The following TOX variants were observed in gnomAD, a reference collection of about 807,000 sequenced individuals.
TOX encodes thymocyte selection-associated high mobility group box protein TOX.
Under a neutral mutation model 53.7 loss-of-function variants are expected in TOX, and 11 were observed. The ratio of observed to expected loss-of-function variants is 0.20; its 90% CI spans 0.13 to 0.34. TOX has a LOEUF of 0.34. Among genes scored for constraint, TOX ranks in the 10% least tolerant of loss-of-function variants. TOX has a pLI of 1.00. For synonymous variants in TOX, 225 were observed against 245.3 expected (o/e 0.92, Z 0.77); for missense variants, 570 against 664.6 (o/e 0.86, Z 1.56).
intron 3 of TOX, among the ~76,000 whole-genome samples, chr8:58,866,089 C>A (rs1811096750): frequency 6.6e-6 from 1 of 152,158 alleles, no homozygotes; most frequent in Admixed American, 6.5e-5. Context: ...CCCGCCTCAG[C>A]CTCCCAAAGT....
intron 3 of TOX, among the ~76,000 whole-genome samples, chr8:58,876,973 C>A (rs891171750): frequency 1.3e-5 from 2 of 152,114 alleles, no homozygotes; most frequent in African/African-American, 4.8e-5. Flanking sequence ...TAGGAAGAGG[C>A]ACGTTAATAA....
At chr8:58,950,776 G>C (rs548452514) in intron 2 of TOX, among the ~76,000 whole-genome samples, 1 of 152,228 alleles carries the variant, frequency 6.6e-6, no homozygotes, top group South Asian at 2.1e-4. Flanking sequence ...GGTGGGAAAA[G>C]AGTCCTGGAC....
chr8:58,815,324 G>C lies in TOX; in HGVS notation c.1392+14C>G, dbSNP rs200616724. The C allele has an allele frequency of 3.7e-5, 59 of 1,580,040 alleles. No individual in the cohort carries two copies. The African/African-American group carries it at 7.5e-4, about 20-fold the overall frequency. On this transcript the variant is annotated intron_variant, in intron 7 of 8. Transcript: ENST00000361421. ...TAGGGGTGCACACTCTAAGTCCAGA[G>C]CCATTGCACTTACTTGCTGCATGGT...
intron 3 of TOX, among the ~76,000 whole-genome samples, chr8:58,925,915 A>T (rs1225513120): frequency 6.6e-6 from 1 of 152,088 alleles, no homozygotes; most frequent in Non-Finnish European, 1.5e-5. Flanking sequence ...ACTATTCTGA[A>T]TATGTGCCCC....
chr8:58,969,547 T>C (rs1812964407), intron 1 of TOX, among the ~76,000 whole-genome samples: 1 of 152,234 alleles, frequency 6.6e-6, no homozygotes, highest in Admixed American at 6.5e-5. Flanking sequence ...TCCCTGCTGA[T>C]TTATCTAAAT....
At chr8:58,995,079 A>T (rs565815201) in intron 1 of TOX, among the ~76,000 whole-genome samples, 1 of 152,326 alleles carries the variant, frequency 6.6e-6, no homozygotes, top group South Asian at 2.1e-4. Context: ...TATATGTAAT[A>T]AGCAAAGCTT....
intron 3 of TOX, among the ~76,000 whole-genome samples, chr8:58,854,276 A>G (rs1810874772): frequency 6.6e-6 from 1 of 152,190 alleles, no homozygotes; most frequent in Admixed American, 6.6e-5. Flanking sequence ...TATTGAGCCC[A>G]TTTCTTCTCA....
chr8:58,978,485 A>C (rs1813145691), intron 1 of TOX, among the ~76,000 whole-genome samples: 1 of 152,244 alleles, frequency 6.6e-6, no homozygotes, highest in South Asian at 2.1e-4. Flanking sequence ...AGACAACATA[A>C]GGTATCTAAT....
chr8:58,851,185 T>TCTCTCTCA lies in TOX; in HGVS notation c.693+338_693+339insTGAGAGAG, dbSNP rs1275278112. Among the ~76,000 whole-genome samples, 10 of 140,838 alleles carry TCTCTCTCA rather than the reference T, an allele frequency of 7.1e-5. No individual in the cohort carries two copies. The highest frequency in any genetic ancestry group is 2.7e-4 in the African/African-American group (10 of 36,484). The allele number at this position is 140,838 out of a possible 152,430, so 92.4% of individuals were successfully genotyped here. A position where few individuals can be genotyped will look rare whatever the true frequency, so the allele number is the denominator to read the frequency against. On this transcript the variant is annotated intron_variant, in intron 4 of 8. Coordinates refer to ENST00000361421, the MANE Select transcript of TOX (RefSeq NM_014729.3). The surrounding 1 kb of genome is among the most constrained non-coding windows in gnomAD (Gnocchi z 4.4). ...CTCTCTCTCTCTCTCTCTCTCTCTC[T>TCTCTCTCA]CACACACACACACACACACACACAC...
intron 1 of TOX, among the ~76,000 whole-genome samples, chr8:59,015,325 G>T (rs1034997928): frequency 7.2e-5 from 11 of 152,224 alleles, no homozygotes; most frequent in African/African-American, 1.9e-4. Context: ...AAATTACAGA[G>T]ATTTCTCAAA....
At chr8:59,097,739 A>C (rs531399430) in intron 1 of TOX, among the ~76,000 whole-genome samples, 28 of 152,332 alleles carry the variant, frequency 1.8e-4, no homozygotes, top group Non-Finnish European at 3.7e-4. Flanking sequence ...TTCTTGAGGA[A>C]TTAAAGATAA....
intron 4 of TOX, among the ~76,000 whole-genome samples, chr8:58,841,692 C>T (rs1041757467): frequency 3.3e-5 from 5 of 152,136 alleles, no homozygotes; most frequent in Non-Finnish European, 7.3e-5. Flanking sequence ...GGTGAGGTGA[C>T]AGATAGGTTA....
chr8:59,069,060 C>A (rs986593645), intron 1 of TOX, among the ~76,000 whole-genome samples: 1 of 152,080 alleles, frequency 6.6e-6, no homozygotes, highest in Admixed American at 6.6e-5. Flanking sequence ...GGGGCTCCTG[C>A]GACATGGCCA....
At chr8:58,902,859 T>C (rs1170685754) in intron 3 of TOX, among the ~76,000 whole-genome samples, 1 of 152,212 alleles carries the variant, frequency 6.6e-6, no homozygotes, top group Non-Finnish European at 1.5e-5. Flanking sequence ...TGAACTCCTA[T>C]GAATTCTACT....
At chr8:59,111,968 A>G (rs1377301911) in intron 1 of TOX, among the ~76,000 whole-genome samples, 3 of 152,220 alleles carry the variant, frequency 2.0e-5, no homozygotes, top group Non-Finnish European at 4.4e-5. Context: ...ATGACCTTTG[A>G]TATTATAAAT....
rs1011078317 is a variant in TOX at position 58,815,595 on chromosome 8, G to A, written c.1135C>T (p.Pro379Ser). ...GCAGTTAGGTGAGGATTCATTCCCG[G>A]TTGTTGGTGATAGTGGGAACTTAGG... ...LYLSSHYHQQ[P>S]GMNPHLTAMH... is the part of the protein sequence containing the mutation. Residue 379 changes from proline (P) to serine (S), a missense_variant, in exon 7 of 9, where the codon CCG becomes TCG. Physicochemically the swap from Pro to Ser is moderately conservative, Grantham distance 74. Coordinates refer to ENST00000361421, the MANE Select transcript of TOX (RefSeq NM_014729.3). 2.5e-6 allele frequency: 4 copies of A among 1,614,062 alleles called. No homozygotes were observed. The highest frequency in any genetic ancestry group is 3.4e-6 in the Non-Finnish European group (4 of 1,180,038).
intron 1 of TOX, among the ~76,000 whole-genome samples, chr8:59,055,636 T>C (rs1465306388): frequency 6.6e-6 from 1 of 152,214 alleles, no homozygotes; most frequent in Non-Finnish European, 1.5e-5. Context: ...GAAAAGTGTT[T>C]GATCCCTGCC....
At chr8:58,946,600 T>C (rs1338324864) in intron 2 of TOX, among the ~76,000 whole-genome samples, 3 of 152,190 alleles carry the variant, frequency 2.0e-5, no homozygotes, top group Non-Finnish European at 4.4e-5. Context: ...CTTTAGACAA[T>C]AGCAATAAAT....
At chr8:58,935,773 G>C (rs1242539522) in intron 3 of TOX, among the ~76,000 whole-genome samples, 2 of 152,184 alleles carry the variant, frequency 1.3e-5, no homozygotes, top group Admixed American at 1.3e-4. Flanking sequence ...AAACTTGCTA[G>C]CAAAGAGTTT....
Sources: allele counts gnomAD v4.1 joint callset (sites outside exome capture counted in the v4.1 genomes callset), GRCh38; gene constraint gnomAD v4.1.1; non-coding constraint Gnocchi (gnomAD v3.1); transcripts MANE v1.5; gene names NCBI Gene and HGNC (gene_info 2026-07-23, HGNC 2026-07-21).